Variants in RAB27B observed in about 807,000 individuals in gnomAD.
RAB27B encodes the protein ras-related protein Rab-27B.
RAB27B carries 15 observed loss-of-function variants against 24.6 expected under a neutral mutation model. The observed-to-expected ratio is 0.61, with a 90% CI of 0.41 to 0.94. The LOEUF is 0.94. RAB27B is among the 40% of genes least tolerant of loss of function. The probability of loss-of-function intolerance (pLI) is 0.00; values close to 1 mark genes in which losing one functional copy is unlikely to be tolerated. For missense variants in RAB27B, 261 were observed against 266.8 expected (o/e 0.98, Z 0.15); for synonymous variants, 105 against 92.5 (o/e 1.14, Z -0.78).
chr18:54,864,695 G>C (rs1912142033), intron 1 of RAB27B, among the ~76,000 whole-genome samples: 1 of 151,994 alleles, frequency 6.6e-6, no homozygotes, highest in Non-Finnish European at 1.5e-5. Context: ...TGCCACCCTT[G>C]TCACAATTGA....
At chr18:54,732,484 A>G (rs1036052959) in intron 2 of RAB27B, among the ~76,000 whole-genome samples, 1 of 152,198 alleles carries the variant, frequency 6.6e-6, no homozygotes, top group Non-Finnish European at 1.5e-5. Context: ...GTCACAACAC[A>G]TCATTACTGG....
At chr18:54,723,468 A>T (rs73474570) in intron 2 of RAB27B, among the ~76,000 whole-genome samples, 1 of 152,264 alleles carries the variant, frequency 6.6e-6, no homozygotes, top group South Asian at 2.1e-4. Context: ...ATTGCAAATA[A>T]AACATCAGAA....
intron 2 of RAB27B, among the ~76,000 whole-genome samples, chr18:54,723,560 G>A (rs1289434043): frequency 1.3e-5 from 2 of 152,048 alleles, no homozygotes; most frequent in South Asian, 2.1e-4. Context: ...AATATTGACT[G>A]TAAATAATAA....
chr18:54,776,880 AC>A lies in RAB27B; in HGVS notation c.-20+58740del, dbSNP rs1908733088. 2.0e-5 allele frequency among the ~76,000 whole-genome samples: 3 copies of A among 152,234 alleles called. No individual in the cohort carries two copies. In the South Asian group the frequency reaches 6.2e-4, roughly 32 times the overall value. On this transcript the variant is annotated intron_variant, in intron 2 of 4. Coordinates refer to the RAB27B transcript ENST00000586570. ...GACAACACGGCGAAACACCGTCTCT[AC>A]TAAAAATACAAAAATTAGCTGGGTG...
At chr18:54,790,018 G>C (rs1451622881) in intron 2 of RAB27B, among the ~76,000 whole-genome samples, 2 of 152,002 alleles carry the variant, frequency 1.3e-5, no homozygotes, top group Non-Finnish European at 2.9e-5. Context: ...CATAGCTCTT[G>C]TTAGTCACAG....
intron 4 of RAB27B, among the ~76,000 whole-genome samples, chr18:54,884,716 G>A (rs1913063071): frequency 6.6e-6 from 1 of 152,108 alleles, no homozygotes; most frequent in Non-Finnish European, 1.5e-5. Context: ...CTTTATTATT[G>A]TCATTGAAAG....
rs1396800649 is a variant in RAB27B at position 54,780,329 on chromosome 18, T to C, written c.-20+62188T>C. ...TCTCCCCCAACCTGAAGGCTTCGCC[T>C]CACCGTGTCTCCCCTCTCCTGATGG... On this transcript the variant is annotated intron_variant, in intron 2 of 4. Transcript: ENST00000586570. 3.8e-5 allele frequency among the ~76,000 whole-genome samples: 3 copies of C among 79,908 alleles called. 1 individual carries two copies. The Admixed American group carries it at 4.7e-4, about 13-fold the overall frequency. 52.4% of individuals were successfully genotyped at this position (79,908 alleles called of 152,430 possible).
At chr18:54,831,379 G>C (rs181097542) in intron 1 of RAB27B, among the ~76,000 whole-genome samples, 29 of 152,190 alleles carry the variant, frequency 1.9e-4, no homozygotes, top group African/African-American at 6.3e-4. Context: ...AGAAATGGGG[G>C]AGAGGAGATA....
chr18:54,853,449 A>ATC (rs1429712610), intron 1 of RAB27B, among the ~76,000 whole-genome samples: 39 of 152,062 alleles, frequency 2.6e-4, no homozygotes, highest in African/African-American at 3.1e-4. Flanking sequence ...ATATATATAT[A>ATC]TCCATGAAAC....
intron 2 of RAB27B, among the ~76,000 whole-genome samples, chr18:54,724,698 A>G (rs1909474345): frequency 6.6e-6 from 1 of 151,440 alleles, no homozygotes; most frequent in Admixed American, 6.6e-5. Flanking sequence ...ATCAAAAACA[A>G]AAACAAACAA....
chr18:54,778,227 G>A (rs111404372), intron 2 of RAB27B, among the ~76,000 whole-genome samples: 3,252 of 152,198 alleles, frequency 0.021, 123 homozygotes, highest in African/African-American at 0.072. Context: ...TGCCCTTAAA[G>A]CCATATTTAT....
chr18:54,879,405 A>G lies in RAB27B; in HGVS notation c.190A>G (p.Lys64Glu). 1 of 1,613,114 alleles carries G rather than the reference A, an allele frequency of 6.2e-7. No homozygotes were observed. Reference protein sequence around the residue: ...NAQGPNGSSGKAFKVHLQLWD... With the variant: ...NAQGPNGSSGEAFKVHLQLWD... ...ACAAGGACCGAATGGATCTTCAGGG[A>G]AAGCATTTAAAGTGCATCTTCAGCT... Residue 64 changes from lysine to glutamate, a missense_variant, in exon 3 of 6, where the codon AAA becomes GAA. Physicochemically the swap from Lys to Glu is moderately conservative, Grantham distance 56. Coordinates refer to ENST00000262094, the MANE Select transcript of RAB27B (RefSeq NM_004163.4).
intron 2 of RAB27B, among the ~76,000 whole-genome samples, chr18:54,721,354 T>C (rs957740029): frequency 6.6e-6 from 1 of 152,154 alleles, no homozygotes. Context: ...CTTAAATATA[T>C]TAGTTGATAG....
intron 2 of RAB27B, among the ~76,000 whole-genome samples, chr18:54,755,482 G>A (rs761206236): frequency 6.6e-6 from 1 of 152,074 alleles, no homozygotes; most frequent in Non-Finnish European, 1.5e-5. Context: ...CAGGTTTAAG[G>A]GAGAGTCTCT....
At chr18:54,854,449 T>C (rs933069392) in intron 1 of RAB27B, among the ~76,000 whole-genome samples, 9 of 152,226 alleles carry the variant, frequency 5.9e-5, no homozygotes, top group African/African-American at 2.2e-4. Flanking sequence ...TCAACAAATA[T>C]GTTGTGCCTC....
At chr18:54,850,599 C>G (rs916522473) in intron 1 of RAB27B, among the ~76,000 whole-genome samples, 3 of 150,886 alleles carry the variant, frequency 2.0e-5, no homozygotes, top group Non-Finnish European at 4.4e-5. Context: ...ACTCCTGCCT[C>G]AGGTGATCCA....
chr18:54,863,630 C>T (rs1427054907), intron 1 of RAB27B, among the ~76,000 whole-genome samples: 1 of 152,152 alleles, frequency 6.6e-6, no homozygotes, highest in Non-Finnish European at 1.5e-5. Context: ...CACGTTCACC[C>T]TTCCCCACAG....
intron 4 of RAB27B, among the ~76,000 whole-genome samples, chr18:54,885,156 T>C (rs1913080601): frequency 6.6e-6 from 1 of 152,228 alleles, no homozygotes; most frequent in African/African-American, 2.4e-5. Flanking sequence ...AAAGGGCATA[T>C]TTCATTTGTA....
At chr18:54,824,013 TC>T (rs1910393609), upstream of RAB27B, among the ~76,000 whole-genome samples, 1 of 152,166 alleles carries the variant, frequency 6.6e-6, no homozygotes, top group African/African-American at 2.4e-5. Context: ...GGTTTGCCTA[TC>T]CTGCTATTTC....
Sources: allele counts gnomAD v4.1 joint callset (sites outside exome capture counted in the v4.1 genomes callset), GRCh38; gene constraint gnomAD v4.1.1; transcripts MANE v1.5; gene names NCBI Gene and HGNC (gene_info 2026-07-23, HGNC 2026-07-21).